Variants in ACIN1 observed in about 807,000 individuals in gnomAD.
The protein encoded by ACIN1 is apoptotic chromatin condensation inducer 1.
A neutral mutation model predicts 146.6 loss-of-function variants in ACIN1; 16 were observed. The observed-to-expected ratio is 0.11, with a 90% CI of 0.07 to 0.17. The LOEUF (loss-of-function observed/expected upper bound fraction) is 0.17. ACIN1 is among the 10% of genes least tolerant of loss of function. ACIN1 has a pLI of 1.00. For synonymous variants in ACIN1, 569 were observed against 582.7 expected, an observed-to-expected ratio of 0.98 and a Z score of 0.34; for missense variants, 1,357 against 1,609.3, an observed-to-expected ratio of 0.84 and a Z score of 2.68.
chr14:23,070,641 A>G (rs1226485835), intron 8 of ACIN1, among the ~76,000 whole-genome samples: 1 of 151,896 alleles, frequency 6.6e-6, no homozygotes, highest in Non-Finnish European at 1.5e-5. Flanking sequence ...CCCCTCTACC[A>G]CCCAAACACC....
chr14:23,061,537 G>A lies in ACIN1; in HGVS notation c.3185C>T (p.Pro1062Leu), dbSNP rs1171950164. The A allele has an allele frequency of 6.3e-6, 10 of 1,588,330 alleles. No homozygotes were observed. Among genetic ancestry groups the A allele is most frequent in the South Asian group, 1.1e-5 (1 of 88,420 alleles). ...TGGTGGCTGGACCGGGGGTGGGGGT[G>A]GGGGGTGCAGGGGCCGTGGTATTCC... ...EQGIPRPLHP[P>L]PPPPVQPPQH... Residue 1062 changes from proline (P) to leucine (L), a missense_variant, in exon 17 of 19, where the codon CCA becomes CTA. Pro to Leu is a moderately conservative substitution (Grantham distance 98, BLOSUM62 -3). Around this residue, in one of 4 missense-constraint regions of ACIN1, gnomAD observed 509 missense variants for 719.6 expected, o/e 0.71. Coordinates refer to ENST00000605057, the MANE Select transcript of ACIN1 (RefSeq NM_001386863.1).
In ACIN1 at chr14:23,080,113, C is replaced by T; in HGVS notation, c.1222G>A (p.Val408Ile). 1 of 1,614,164 alleles carries T rather than the reference C, an allele frequency of 6.2e-7. No homozygotes were observed. Among genetic ancestry groups the T allele is most frequent in the Non-Finnish European group, 8.5e-7 (1 of 1,180,016 alleles). Residue 408 changes from valine (V) to isoleucine (I), a missense_variant, in exon 6 of 19, where the codon GTA (valine) becomes ATA (isoleucine). By Grantham distance (29) the Val-to-Ile change is conservative (BLOSUM62 3). Around this residue, in one of 4 missense-constraint regions of ACIN1, gnomAD observed 771 missense variants for 746.6 expected, o/e 1.03. Transcript: ENST00000605057. ...ACCAACTGGACAGTATGCTGAGATA[C>T]TAATAGCTCCCTGGTGTCAGCATCT... ...NTDADTRELL[V>I]SQHTVQLVGG...
At chr14:23,082,885 G>A (rs1170178755) in intron 4 of ACIN1, among the ~76,000 whole-genome samples, 3 of 151,468 alleles carry the variant, frequency 2.0e-5, no homozygotes, top group Non-Finnish European at 4.4e-5. Flanking sequence ...GACTGCAGGC[G>A]CACGCCACCA....
chr14:23,080,663 ATCT>A lies in ACIN1; in HGVS notation c.669_671del (p.Glu223del), dbSNP rs746240148. On this transcript the variant is annotated inframe_deletion, in exon 6 of 19. Coordinates refer to ENST00000605057, the MANE Select transcript of ACIN1 (RefSeq NM_001386863.1). ...CATCATCACCTTCCTCTTCTTCATC[ATCT>A]TCTTCCTCCTCCTCCTCCTCCTCTT... 8.1e-6 allele frequency: 13 copies of A among 1,611,756 alleles called. No homozygotes were observed. The highest frequency in any genetic ancestry group is 2.7e-5 in the African/African-American group (2 of 73,806).
At position 23,083,365 on chromosome 14, in the gene ACIN1, C is replaced by T. The variant is rs997619253; in HGVS notation, c.437-1529G>A. 4.6e-5 allele frequency among the ~76,000 whole-genome samples: 7 copies of T among 152,008 alleles called. No individual in the cohort carries two copies. In the East Asian group the frequency reaches 7.7e-4, roughly 17 times the overall value. ...AGATTAAGGTATAAACCACTGTGCC[C>T]GAGTCTCAAATGTCATGATTGAGAA... On this transcript the variant is annotated intron_variant, in intron 4 of 18. Transcript: ENST00000605057.
At chr14:23,087,418 C>T (rs2048115651) in intron 4 of ACIN1, among the ~76,000 whole-genome samples, 1 of 151,054 alleles carries the variant, frequency 6.6e-6, no homozygotes, top group African/African-American at 2.4e-5. Context: ...TTACCACATT[C>T]ATATTTTCCA....
chr14:23,065,929 T>C (rs1231942623), intron 10 of ACIN1, 37 bp downstream of exon 10: 1 of 1,596,214 alleles, frequency 6.3e-7, no homozygotes, highest in Non-Finnish European at 8.6e-7. Context: ...TTTTATGGTA[T>C]TCCTGACTTT....
At chr14:23,071,384 TA>T (rs2047646088) in intron 8 of ACIN1, 9 of 1,549,568 alleles carry the variant, frequency 5.8e-6, no homozygotes, top group Middle Eastern at 3.3e-4. Context: ...GCGGGGAGGC[TA>T]AAACAGATCT....
chr14:23,064,229 G>A lies in ACIN1; in HGVS notation c.2471C>T (p.Ala824Val), dbSNP rs780968847. The A allele has an allele frequency of 2.5e-5, 41 of 1,613,904 alleles. No individual in the cohort carries two copies. The East Asian group carries it at 6.2e-4, about 25-fold the overall frequency. Reference sequence around the variant, plus strand: ...AAGATCCACAACAGCCTCCTGCCCCGCCAGGGGTTTGATGTCGGGGATGAG... The same window carrying A: ...AAGATCCACAACAGCCTCCTGCCCCACCAGGGGTTTGATGTCGGGGATGAG... Reference protein sequence around the residue: ...KSLIPDIKPLAGQEAVVDLHA... With the variant: ...KSLIPDIKPLVGQEAVVDLHA... Residue 824 changes from alanine (A) to valine (V), a missense_variant, in exon 12 of 19, where the codon GCG becomes GTG. Physicochemically the swap from Ala to Val is moderately conservative, Grantham distance 64 (BLOSUM62 0). Transcript: ENST00000605057.
chr14:23,080,613 G>A lies in ACIN1; in HGVS notation c.722C>T (p.Pro241Leu), dbSNP rs145176041. ...DDEGQKSREA[P>L]ILKEFKEEGE... ...TTCTTCCTTAAACTCTTTCAGGATT[G>A]GTGCCTCCCTAGATTTTTGTCCCTC... Residue 241 changes from proline to leucine, a missense_variant, in exon 6 of 19, where the codon CCA (proline) becomes CTA (leucine). Physicochemically the swap from Pro to Leu is moderately conservative, Grantham distance 98. Coordinates refer to ENST00000605057, the MANE Select transcript of ACIN1 (RefSeq NM_001386863.1). The A allele has an allele frequency of 1.9e-5, 30 of 1,613,806 alleles. No homozygotes were observed. In the African/African-American group the frequency reaches 3.7e-4, roughly 20 times the overall value.
intron 2 of ACIN1, among the ~76,000 whole-genome samples, chr14:23,091,687 G>A (rs532209873): frequency 2.7e-5 from 4 of 149,956 alleles, no homozygotes; most frequent in South Asian, 2.1e-4. Flanking sequence ...GCAATGGCGC[G>A]ATCTTGGCTT....
Position 23,068,475 on chromosome 14 carries a change from C to A in ACIN1, c.2265+1001G>T. On this transcript the variant is annotated intron_variant, in intron 9 of 18. Transcript: ENST00000605057. This position sits in a 1 kb window ranked among gnomAD's most constrained non-coding sequence, Gnocchi z 4.3. ...GTTCTTCTTGGCCCCCTGATGTAAG[C>A]AAGACAGGGAGGCAAAAGGGGGCCC... 1 of 985,836 alleles carries A rather than the reference C, an allele frequency of 1.0e-6. No individual in the cohort carries two copies. Among genetic ancestry groups the A allele is most frequent in the Non-Finnish European group, 1.2e-6 (1 of 829,950 alleles). The allele number at this position is 985,836 out of a possible 1,614,324, so 61.1% of individuals were successfully genotyped here. A position where few individuals can be genotyped will look rare whatever the true frequency, so the allele number is the denominator to read the frequency against.
chr14:23,059,577 T>TA (rs1024777273), intron 18 of ACIN1, 103 bp from the exon 19 acceptor site: 10 of 870,300 alleles, frequency 1.1e-5, no homozygotes, highest in Non-Finnish European at 1.7e-5. Flanking sequence ...GCTTTTCAGT[T>TA]AAACAGGAAG....
In ACIN1 at chr14:23,078,273, G is replaced by A. The variant is rs778482508; in HGVS notation, c.2008-7C>T. ...CACACTTCTTTGGGCTCCCCTGTCA[G>A]GAGATAGCAAAAACGAACAGAGCAA... On this transcript the variant is annotated splice_polypyrimidine_tract_variant and splice_region_variant and intron_variant, in intron 7 of 18. Coordinates refer to ENST00000605057, the MANE Select transcript of ACIN1 (RefSeq NM_001386863.1). The A allele has an allele frequency of 6.2e-6, 10 of 1,613,544 alleles. No individual in the cohort carries two copies. The East Asian group carries it at 1.8e-4, about 29-fold the overall frequency.
chr14:23,084,721 G>C (rs1413395471), intron 4 of ACIN1, among the ~76,000 whole-genome samples: 1 of 152,008 alleles, frequency 6.6e-6, no homozygotes, highest in African/African-American at 2.4e-5. Flanking sequence ...AAGGACCTCT[G>C]AGTATATACC....
chr14:23,089,557 T>G (rs1244802075), intron 4 of ACIN1, among the ~76,000 whole-genome samples: 1 of 152,228 alleles, frequency 6.6e-6, no homozygotes, highest in African/African-American at 2.4e-5. Flanking sequence ...CTTTCTTTAC[T>G]ATATTCCTCG....
chr14:23,061,539 G>A lies in ACIN1; in HGVS notation c.3183C>T (p.Pro1061=). ...GTGGCTGGACCGGGGGTGGGGGTGG[G>A]GGGTGCAGGGGCCGTGGTATTCCCT... ...EEQGIPRPLH[P]PPPPPVQPPQ... is the part of the protein sequence containing the mutation. Residue 1061 remains proline (P), a synonymous_variant, in exon 17 of 19, where the codon CCC becomes CCT. Coordinates refer to ENST00000605057, the MANE Select transcript of ACIN1 (RefSeq NM_001386863.1). The A allele has an allele frequency of 6.3e-7, 1 of 1,591,638 alleles. No homozygotes were observed. Among genetic ancestry groups the A allele is most frequent in the Non-Finnish European group, 8.5e-7 (1 of 1,170,138 alleles).
At position 23,068,978 on chromosome 14, in the gene ACIN1, CAAGTGCTGGCTTCT is replaced by C. The variant is rs140813345; in HGVS notation, c.2265+484_2265+497del. On this transcript the variant is annotated intron_variant, in intron 9 of 18. Coordinates refer to ENST00000605057, the MANE Select transcript of ACIN1 (RefSeq NM_001386863.1). The surrounding 1 kb of genome is among the most constrained non-coding windows in gnomAD (Gnocchi z 4.3). ...AACTGAGAATGGGCCTTCCGGATCA[CAAGTGCTGGCTTCT>C]AAGTAGCTACATCTCTGCAGTCAGA... 6,134 of 985,648 alleles carry C rather than the reference CAAGTGCTGGCTTCT, an allele frequency of 6.2e-3. 287 individuals are homozygous for C. In the African/African-American group the frequency reaches 0.098, roughly 16 times the overall value. The allele number at this position is 985,648 out of a possible 1,614,324, so 61.1% of individuals were successfully genotyped here.
At chr14:23,095,593 C>T (rs2048357547), upstream of ACIN1, 2 of 374,920 alleles carry the variant, frequency 5.3e-6, no homozygotes, top group East Asian at 5.0e-5. Context: ...TGACAATCTT[C>T]GGGTGCCCTT....
Sources: allele counts gnomAD v4.1 joint callset (sites outside exome capture counted in the v4.1 genomes callset), GRCh38; gene constraint gnomAD v4.1.1; regional missense constraint gnomAD v4.1.1; non-coding constraint Gnocchi (gnomAD v3.1); transcripts MANE v1.5; gene names NCBI Gene and HGNC (gene_info 2026-07-23, HGNC 2026-07-21).